PCDHGA3: variants seen among roughly 807,000 people sequenced by gnomAD.
PCDHGA3 encodes the protein protocadherin gamma-A3.
Under a neutral mutation model 58.5 loss-of-function variants are expected in PCDHGA3, and 40 were observed. That is an observed-to-expected ratio of 0.68 (90% CI 0.53 to 0.89). The LOEUF (loss-of-function observed/expected upper bound fraction) is 0.89, where lower values mean the gene tolerates loss of function less well. Among genes scored for constraint, PCDHGA3 ranks in the 40% least tolerant of loss-of-function variants. PCDHGA3 has a pLI of 0.00. For missense variants in PCDHGA3, 1,223 were observed against 1,195.9 expected (o/e 1.02, Z -0.33); for synonymous variants, 530 against 525.7 (o/e 1.01, Z -0.11).
At chr5:141,467,924 G>A (rs2099154404) in intron 1 of PCDHGA3, among the ~76,000 whole-genome samples, 1 of 152,042 alleles carries the variant, frequency 6.6e-6, no homozygotes, top group Non-Finnish European at 1.5e-5. Context: ...CTCCCAAAAT[G>A]CTAGGATTAC....
chr5:141,443,104 C>A (rs950011995), intron 1 of PCDHGA3, among the ~76,000 whole-genome samples: 1 of 151,854 alleles, frequency 6.6e-6, no homozygotes, highest in East Asian at 1.9e-4. Flanking sequence ...TCAAGCTGAA[C>A]CTTGCTTTTC....
chr5:141,506,216 T>A (rs2237080), intron 3 of PCDHGA3, among the ~76,000 whole-genome samples: 78,167 of 151,604 alleles, frequency 0.52, 20,820 homozygotes, highest in African/African-American at 0.63. Flanking sequence ...TTTGGGAAGC[T>A]GAGGCAGGAG....
At chr5:141,350,978 AG>A in intron 1 of PCDHGA3, 1 of 1,614,074 alleles carries the variant, frequency 6.2e-7, no homozygotes, top group South Asian at 1.1e-5. Flanking sequence ...TCCCGTGTTT[AG>A]CCAGGAGGTA....
In PCDHGA3 at chr5:141,371,048, C is replaced by T. The variant is rs1458695026; in HGVS notation, c.2424+24591C>T. 2.5e-6 allele frequency: 4 copies of T among 1,613,772 alleles called. No homozygotes were observed. In the Admixed American group the frequency reaches 6.7e-5, roughly 27 times the overall value. On this transcript the variant is annotated intron_variant, in intron 1 of 3. Coordinates refer to ENST00000253812, the MANE Select transcript of PCDHGA3 (RefSeq NM_018916.4). ...TGGTCCTCACAGCTGTGGATGGGGG[C>T]GAGCCCTCCAGAAGCTGTACCACCC...
intron 1 of PCDHGA3, among the ~76,000 whole-genome samples, chr5:141,348,766 G>A (rs1267863177): frequency 6.6e-6 from 1 of 152,232 alleles, no homozygotes; most frequent in Non-Finnish European, 1.5e-5. Context: ...ATAAAGGCAT[G>A]ATGCAAGGAA....
intron 1 of PCDHGA3, chr5:141,430,923 A>C (rs2097325574): frequency 6.2e-7 from 1 of 1,607,168 alleles, no homozygotes; most frequent in African/African-American, 1.3e-5. Context: ...CTGGGGCTGG[A>C]GCCCCGGGAG....
At chr5:141,402,816 C>A (rs1009078444) in intron 1 of PCDHGA3, 4 of 1,261,760 alleles carry the variant, frequency 3.2e-6, no homozygotes, top group South Asian at 3.4e-5. Flanking sequence ...ATACCACAAA[C>A]CTGCTCCCAG....
intron 1 of PCDHGA3, among the ~76,000 whole-genome samples, chr5:141,402,646 G>A (rs2094289569): frequency 6.6e-6 from 1 of 152,198 alleles, no homozygotes; most frequent in South Asian, 2.1e-4. Context: ...ATCATAATTA[G>A]AAGAGAGTAG....
At chr5:141,384,290 A>T in intron 1 of PCDHGA3, 1 of 1,613,874 alleles carries the variant, frequency 6.2e-7, no homozygotes, top group Non-Finnish European at 8.5e-7. Context: ...ATCGCTGAGA[A>T]CAACCCCAGA....
At chr5:141,372,971 AG>A in intron 1 of PCDHGA3, 1 of 677,376 alleles carries the variant, frequency 1.5e-6, no homozygotes, top group South Asian at 2.2e-5. Context: ...AATTTCCTGT[AG>A]AATATCTGTG....
chr5:141,386,587 G>A (rs1423292010), intron 1 of PCDHGA3, among the ~76,000 whole-genome samples: 2 of 151,614 alleles, frequency 1.3e-5, no homozygotes, highest in African/African-American at 4.9e-5. Context: ...CAATAGTGTG[G>A]GGGATACATT....
Position 141,422,343 on chromosome 5 carries a change from G to T in PCDHGA3, c.2425-72464G>T, listed in dbSNP as rs764862139. ...GTACAGTGATTGCTCTTCTAAATGT[G>T]CAAGATCAAGATTCTGGAGAAAATG... On this transcript the variant is annotated intron_variant, in intron 1 of 3. Transcript: ENST00000253812. 1.9e-6 allele frequency: 3 copies of T among 1,551,388 alleles called. No individual in the cohort carries two copies. The East Asian group carries it at 6.7e-5, about 35-fold the overall frequency.
Position 141,485,060 on chromosome 5 carries a change from G to T in PCDHGA3, c.2425-9747G>T. The T allele has an allele frequency of 1.2e-6, 1 of 862,304 alleles. No individual in the cohort carries two copies. 53.4% of individuals were successfully genotyped at this position (862,304 alleles called of 1,614,324 possible). ...ACCCTTGCGGCGCCGGCCGAACCGC[G>T]CCAGAGCTGGCGCGGGGAAAGGGAG... On this transcript the variant is annotated intron_variant, in intron 1 of 3. Coordinates refer to ENST00000253812, the MANE Select transcript of PCDHGA3 (RefSeq NM_018916.4). The surrounding 1 kb of genome is among the most constrained non-coding windows in gnomAD (Gnocchi z 5.7).
At position 141,359,348 on chromosome 5, in the gene PCDHGA3, T is replaced by C. The variant is rs193044615; in HGVS notation, c.2424+12891T>C. 4.0e-3 allele frequency among the ~76,000 whole-genome samples: 616 copies of C among 152,208 alleles called. 6 individuals carry two copies. The highest frequency in any genetic ancestry group is 0.011 in the Admixed American group (172 of 15,282). On this transcript the variant is annotated intron_variant, in intron 1 of 3. Transcript: ENST00000253812. ...TATATTCCAGAATGAGAGTGCCACA[T>C]GTTTTAAAGGCCTAGGAAAGCAGTA...
chr5:141,380,361 G>GA (rs980591138), intron 1 of PCDHGA3, among the ~76,000 whole-genome samples: 103 of 151,620 alleles, frequency 6.8e-4, no homozygotes, highest in South Asian at 1.2e-3. Flanking sequence ...TTGTTTTTTA[G>GA]AAAAAAAAGT....
intron 1 of PCDHGA3, chr5:141,419,364 C>T (rs1360235541): frequency 1.1e-5 from 18 of 1,613,690 alleles, no homozygotes; most frequent in Non-Finnish European, 1.3e-5. Flanking sequence ...CGAACGCTGT[C>T]GTCCTACGTG....
chr5:141,485,814 CT>C lies in PCDHGA3; in HGVS notation c.2425-8992del, dbSNP rs2099619658. On this transcript the variant is annotated intron_variant, in intron 1 of 3. Transcript: ENST00000253812. The surrounding 1 kb of genome is among the most constrained non-coding windows in gnomAD (Gnocchi z 5.7). ...TCGGACTACCGCCTGGTGCTGACTGCTGTCGATGGAGGGAACCCGCCGAGAT... is the reference window on the plus strand; with the variant it reads ...TCGGACTACCGCCTGGTGCTGACTGCGTCGATGGAGGGAACCCGCCGAGAT... The C allele has an allele frequency of 6.2e-7, 1 of 1,613,864 alleles. No individual in the cohort carries two copies. Among genetic ancestry groups the C allele is most frequent in the Non-Finnish European group, 8.5e-7 (1 of 1,179,990 alleles).
At chr5:141,399,557 TG>T in intron 1 of PCDHGA3, 1 of 1,613,968 alleles carries the variant, frequency 6.2e-7, no homozygotes, top group Non-Finnish European at 8.5e-7. Context: ...GACCTGGACT[TG>T]GGGTTGAACG....
chr5:141,456,984 C>G (rs374156327), intron 1 of PCDHGA3, among the ~76,000 whole-genome samples: 1 of 152,200 alleles, frequency 6.6e-6, no homozygotes, highest in East Asian at 1.9e-4. Flanking sequence ...AACAAACAAA[C>G]AAACAAAAAC....
Sources: gnomAD v4.1 joint callset for allele counts (sites outside exome capture counted in the v4.1 genomes callset) on GRCh38, gnomAD v4.1.1 for gene constraint, Gnocchi (gnomAD v3.1) non-coding constraint, MANE v1.5 for transcripts, NCBI Gene and HGNC (gene_info 2026-07-23, HGNC 2026-07-21) for gene names.